Variants in SGCZ observed in about 807,000 individuals in gnomAD.
SGCZ encodes zeta-sarcoglycan.
In SGCZ, 40 loss-of-function variants were observed where a neutral mutation model predicts 41.3. The observed-to-expected ratio is 0.97, with a 90% CI of 0.75 to 1.26. The LOEUF is 1.26. Among genes scored for constraint, SGCZ ranks in the 50% most tolerant of loss-of-function variants. The pLI is 0.00. For synonymous variants in SGCZ, 206 were observed against 137.5 expected, an observed-to-expected ratio of 1.50 and a Z score of -3.49; for missense variants, 552 against 369.8, an observed-to-expected ratio of 1.49 and a Z score of -4.04.
At chr8:14,262,510 C>T (rs1035764131) in intron 3 of SGCZ, among the ~76,000 whole-genome samples, 6 of 151,858 alleles carry the variant, frequency 4.0e-5, no homozygotes. Flanking sequence ...CATAGTATTT[C>T]AAAGCACAGG....
At chr8:14,443,518 C>G (rs1800337674) in intron 2 of SGCZ, among the ~76,000 whole-genome samples, 1 of 152,116 alleles carries the variant, frequency 6.6e-6, no homozygotes, top group Admixed American at 6.6e-5. Context: ...ATATCTACAA[C>G]TATCTGATCT....
chr8:14,610,240 C>T lies in SGCZ; in HGVS notation c.40-55314G>A, dbSNP rs377329741. ...CCTTGACCTAAAGACACTTGAGAAA[C>T]AGTAGATGTAAGAAGGGCATTTGAG... On this transcript the variant is annotated intron_variant, in intron 1 of 7. Transcript: ENST00000382080. Among the ~76,000 whole-genome samples, 63 of 152,244 alleles carry T rather than the reference C, an allele frequency of 4.1e-4. 1 individual carries two copies. Among genetic ancestry groups the T allele is most frequent in the African/African-American group, 1.5e-3 (61 of 41,556 alleles).
intron 2 of SGCZ, among the ~76,000 whole-genome samples, chr8:14,464,513 G>T: frequency 1.4e-5 from 2 of 145,664 alleles, no homozygotes. Context: ...AGTTCATCTA[G>T]CTGTTTGCCA....
chr8:14,644,169 G>C (rs72607323), intron 1 of SGCZ, among the ~76,000 whole-genome samples: 12,697 of 151,654 alleles, frequency 0.084, 1,185 homozygotes, highest in East Asian at 0.53. Flanking sequence ...CAGTTGTTTA[G>C]TCAAGCACCC....
chr8:14,119,285 G>A (rs1023034834), intron 5 of SGCZ, among the ~76,000 whole-genome samples: 5 of 152,104 alleles, frequency 3.3e-5, no homozygotes, highest in African/African-American at 1.2e-4. Context: ...CACATCCCCT[G>A]TAAGTTGTAT....
chr8:14,117,583 T>C (rs17211024), intron 5 of SGCZ, among the ~76,000 whole-genome samples: 50,378 of 151,716 alleles, frequency 0.33, 10,670 homozygotes, highest in Non-Finnish European at 0.48. Flanking sequence ...TGCCCTAATA[T>C]ATGAAGTTTT....
chr8:14,668,067 C>T lies in SGCZ; in HGVS notation c.40-113141G>A, dbSNP rs180882688. Among the ~76,000 whole-genome samples the T allele has an allele frequency of 2.7e-3, 410 of 152,260 alleles. 3 individuals carry two copies. Among genetic ancestry groups the T allele is most frequent in the African/African-American group, 7.8e-3 (323 of 41,556 alleles). On this transcript the variant is annotated intron_variant, in intron 1 of 7. Coordinates refer to ENST00000382080, the MANE Select transcript of SGCZ (RefSeq NM_139167.4). ...CGCCTCCCAGGTTCAAGGGATTCTC[C>T]TGCCTCAGCCTCCCGAGTGGCTGGG...
At chr8:14,780,788 G>T (rs2252948) in intron 1 of SGCZ, among the ~76,000 whole-genome samples, 110,555 of 152,118 alleles carry the variant, frequency 0.73, 41,210 homozygotes, top group African/African-American at 0.89. Context: ...TGTTTTCTTA[G>T]TGAAATTAGA....
At chr8:14,684,101 A>G (rs1013195837) in intron 1 of SGCZ, among the ~76,000 whole-genome samples, 4 of 152,180 alleles carry the variant, frequency 2.6e-5, no homozygotes, top group Non-Finnish European at 5.9e-5. Context: ...TAAATTATGT[A>G]CTTTTCCAGT....
intron 1 of SGCZ, among the ~76,000 whole-genome samples, chr8:14,575,104 T>C (rs1356758139): frequency 6.6e-6 from 1 of 152,210 alleles, no homozygotes; most frequent in Non-Finnish European, 1.5e-5. Context: ...GATTTTTTGC[T>C]TCAAAATGAA....
intron 1 of SGCZ, among the ~76,000 whole-genome samples, chr8:14,988,095 A>C (rs1801886011): frequency 6.6e-6 from 1 of 152,036 alleles, no homozygotes; most frequent in Admixed American, 6.6e-5. Flanking sequence ...GTTTTCCAGG[A>C]GTGAAATGGT....
chr8:14,443,693 A>C (rs1441831185), intron 2 of SGCZ, among the ~76,000 whole-genome samples: 4 of 152,224 alleles, frequency 2.6e-5, no homozygotes, highest in Admixed American at 2.0e-4. Context: ...CGTTAGACCT[A>C]AAACCATAAA....
At chr8:14,913,019 A>G (rs1016042467) in intron 1 of SGCZ, among the ~76,000 whole-genome samples, 13 of 152,058 alleles carry the variant, frequency 8.5e-5, no homozygotes, top group African/African-American at 3.1e-4. Flanking sequence ...TAAAAATATC[A>G]TGACAACTTT....
At chr8:15,205,195 G>T (rs953838444) in intron 1 of SGCZ, among the ~76,000 whole-genome samples, 1 of 152,014 alleles carries the variant, frequency 6.6e-6, no homozygotes, top group Non-Finnish European at 1.5e-5. Context: ...ACATAGGAAG[G>T]GGCAAAGATT....
chr8:14,807,748 A>G (rs1266506354), intron 1 of SGCZ, among the ~76,000 whole-genome samples: 3 of 152,030 alleles, frequency 2.0e-5, no homozygotes, highest in Middle Eastern at 3.4e-3. Flanking sequence ...TTCATATGGA[A>G]CCAAAAAAGA....
intron 1 of SGCZ, among the ~76,000 whole-genome samples, chr8:15,147,062 A>G (rs1237211968): frequency 1.3e-5 from 2 of 152,192 alleles, no homozygotes; most frequent in African/African-American, 4.8e-5. Context: ...TTACCTTTCA[A>G]AAGTTAGATC....
At chr8:14,192,473 A>T (rs1805135227) in intron 4 of SGCZ, among the ~76,000 whole-genome samples, 1 of 151,914 alleles carries the variant, frequency 6.6e-6, no homozygotes, top group Admixed American at 6.5e-5. Context: ...TAAGATACTG[A>T]AAGTCTTTGT....
intron 1 of SGCZ, among the ~76,000 whole-genome samples, chr8:14,582,665 C>A (rs1804930455): frequency 8.2e-6 from 1 of 121,228 alleles, no homozygotes; most frequent in Non-Finnish European, 1.7e-5. Flanking sequence ...CCCCTCCCCC[C>A]ACCCCACAAC....
chr8:14,217,739 C>G (rs768138799), intron 4 of SGCZ, among the ~76,000 whole-genome samples: 96 of 147,976 alleles, frequency 6.5e-4, no homozygotes, highest in Non-Finnish European at 1.1e-3. Flanking sequence ...AAGCAATTCT[C>G]CTGCCTCAGC....
Sources: allele counts gnomAD v4.1 joint callset (sites outside exome capture counted in the v4.1 genomes callset), GRCh38; gene constraint gnomAD v4.1.1; transcripts MANE v1.5; gene names NCBI Gene and HGNC (gene_info 2026-07-23, HGNC 2026-07-21).